The following RASGRP1 variants were observed in gnomAD, a reference collection of about 807,000 sequenced individuals.
RASGRP1 encodes RAS guanyl releasing protein 1.
RASGRP1 carries 37 observed loss-of-function variants against 95.1 expected under a neutral mutation model. That is an observed-to-expected ratio of 0.39 (90% CI 0.30 to 0.51). The LOEUF (loss-of-function observed/expected upper bound fraction) is 0.51. Among genes scored for constraint, RASGRP1 ranks in the 20% least tolerant of loss-of-function variants. The pLI is 0.80. For synonymous variants in RASGRP1, 325 were observed against 353.4 expected (o/e 0.92, Z 0.90); for missense variants, 711 against 965.4 (o/e 0.74, Z 3.49).
chr15:38,508,348 A>G (rs62003601), intron 8 of RASGRP1, among the ~76,000 whole-genome samples: 1,708 of 152,336 alleles, frequency 0.011, 20 homozygotes, highest in Non-Finnish European at 0.019. Context: ...AGTGAACACT[A>G]TCCCTCTAAC....
intron 1 of RASGRP1, among the ~76,000 whole-genome samples, chr15:38,564,214 G>C (rs1253059576): frequency 5.9e-5 from 9 of 152,330 alleles, no homozygotes; most frequent in Non-Finnish European, 8.8e-5. Flanking sequence ...CCGGAGCCCA[G>C]CGCCCCAGCA....
At chr15:38,542,601 C>G (rs1273562736) in intron 2 of RASGRP1, among the ~76,000 whole-genome samples, 1 of 150,804 alleles carries the variant, frequency 6.6e-6, no homozygotes, top group Non-Finnish European at 1.5e-5. Flanking sequence ...AAGTCTTTCG[C>G]CTGTTCTCAG....
intron 15 of RASGRP1, among the ~76,000 whole-genome samples, chr15:38,496,790 A>C (rs1033417570): frequency 6.6e-6 from 1 of 152,182 alleles, no homozygotes; most frequent in African/African-American, 2.4e-5. Context: ...GATGTGATAA[A>C]AAGGAATGTG....
In RASGRP1 at chr15:38,527,678, G is replaced by A. The variant is rs184751492; in HGVS notation, c.221-1274C>T. Among the ~76,000 whole-genome samples, 247 of 130,788 alleles carry A rather than the reference G, an allele frequency of 1.9e-3. 1 individual carries two copies. Among genetic ancestry groups the A allele is most frequent in the African/African-American group, 5.2e-3 (186 of 35,496 alleles). 85.8% of individuals were successfully genotyped at this position (130,788 alleles called of 152,430 possible). ...ATCTGTATTGCTCTTTATATTAAAG[G>A]GGTTATCATGTTCACTCTGCTTCAA... On this transcript the variant is annotated intron_variant, in intron 2 of 16. Transcript: ENST00000310803.
chr15:38,511,824 T>G, intron 7 of RASGRP1, 104 bp from the exon 8 acceptor site: 1 of 755,676 alleles, frequency 1.3e-6, no homozygotes, highest in Non-Finnish European at 2.2e-6. Flanking sequence ...TCCCTTACGC[T>G]GGTTAAAGAC....
At chr15:38,553,042 A>C (rs1566937645) in intron 2 of RASGRP1, among the ~76,000 whole-genome samples, 1 of 152,196 alleles carries the variant, frequency 6.6e-6, no homozygotes, top group African/African-American at 2.4e-5. Flanking sequence ...ATTATTAAAA[A>C]TTTCAAGACT....
At chr15:38,560,181 T>A in intron 1 of RASGRP1, 176 bp from the exon 2 acceptor site, 1 of 633,866 alleles carries the variant, frequency 1.6e-6, no homozygotes, top group Non-Finnish European at 2.8e-6. Flanking sequence ...TAAAGAGACA[T>A]CTCCCCAGCA....
chr15:38,552,547 C>T (rs1270558056), intron 2 of RASGRP1, among the ~76,000 whole-genome samples: 2 of 152,092 alleles, frequency 1.3e-5, no homozygotes, highest in African/African-American at 4.8e-5. Flanking sequence ...TCACTGAACA[C>T]GGAGCTGGGA....
At chr15:38,524,632 C>A (rs12442869) in intron 3 of RASGRP1, among the ~76,000 whole-genome samples, 27,737 of 152,142 alleles carry the variant, frequency 0.18, 2,750 homozygotes, top group Non-Finnish European at 0.22. Flanking sequence ...GGGCCAACTT[C>A]ACACAGTTAC....
Position 38,498,941 on chromosome 15 carries a change from C to T in RASGRP1, c.1726G>A (p.Gly576Arg), listed in dbSNP as rs776826375. ...IKQGYRCKDC[G>R]MNCHKQCKDL... ...TTGCATTGTTTGTGACAGTTCATCC[C>T]GCAGTCTGTGGACAAGACATCCTGG... is the stretch of plus-strand genomic sequence containing the variant. The change falls in exon 15 of 17, where the codon GGG (glycine) becomes AGG (arginine). Residue 576 changes from glycine (G) to arginine (R), a missense_variant. This residue lies in a region of RASGRP1 where 8 missense variants were observed against 40.9 expected (regional missense o/e 0.20). Transcript: ENST00000310803. 1.2e-6 allele frequency: 2 copies of T among 1,613,814 alleles called. No individual in the cohort carries two copies. The highest frequency in any genetic ancestry group is 1.3e-5 in the African/African-American group (1 of 74,908).
intron 3 of RASGRP1, among the ~76,000 whole-genome samples, chr15:38,525,030 T>C (rs1410593517): frequency 4.0e-5 from 6 of 151,190 alleles, no homozygotes; most frequent in Admixed American, 2.0e-4. Flanking sequence ...TGCAGTGGTG[T>C]GATCTCAGCT....
intron 10 of RASGRP1, chr15:38,503,595 T>C (rs1219254169): frequency 1.8e-6 from 1 of 549,844 alleles, no homozygotes; most frequent in African/African-American, 1.9e-5. Flanking sequence ...TCACATACAT[T>C]ATCTGCAGCT....
Position 38,511,506 on chromosome 15 carries a change from T to C in RASGRP1, c.966+98A>G, listed in dbSNP as rs903113623. 15 of 859,076 alleles carry C rather than the reference T, an allele frequency of 1.7e-5. No individual in the cohort carries two copies. In the African/African-American group the frequency reaches 2.0e-4, roughly 11 times the overall value. The allele number at this position is 859,076 out of a possible 1,614,324, so 53.2% of individuals were successfully genotyped here. On this transcript the variant is annotated intron_variant, in intron 8 of 16. Coordinates refer to ENST00000310803, the MANE Select transcript of RASGRP1 (RefSeq NM_005739.4). ...TTAGCCTGGTTGACAAGGGATGGTG[T>C]GGTTGGAAATGCTCTCTGGGCTGCC...
chr15:38,491,754 C>T (rs1176809304), intron 16 of RASGRP1, among the ~76,000 whole-genome samples: 1 of 152,106 alleles, frequency 6.6e-6, no homozygotes, highest in Non-Finnish European at 1.5e-5. Flanking sequence ...AAAATACACA[C>T]AGTGAATTCT....
chr15:38,539,671 C>A (rs900588870), intron 2 of RASGRP1, among the ~76,000 whole-genome samples: 1 of 151,980 alleles, frequency 6.6e-6, no homozygotes, highest in Non-Finnish European at 1.5e-5. Flanking sequence ...GCCGCACCCA[C>A]TAACTCGTCA....
chr15:38,505,419 C>T (rs915663376), intron 10 of RASGRP1, among the ~76,000 whole-genome samples: 3 of 152,068 alleles, frequency 2.0e-5, no homozygotes, highest in South Asian at 2.1e-4. Context: ...CTGATTAGTA[C>T]GCATATTACT....
At chr15:38,553,020 C>T (rs1251922722) in intron 2 of RASGRP1, among the ~76,000 whole-genome samples, 1 of 152,148 alleles carries the variant, frequency 6.6e-6, no homozygotes, top group Non-Finnish European at 1.5e-5. Flanking sequence ...AATGATGGTC[C>T]CTTATTCAAA....
At chr15:38,544,473 G>C (rs1173074656) in intron 2 of RASGRP1, among the ~76,000 whole-genome samples, 2 of 152,182 alleles carry the variant, frequency 1.3e-5, no homozygotes, top group African/African-American at 4.8e-5. Flanking sequence ...GCCTTTAAGA[G>C]GTGACTGGGT....
chr15:38,491,124 T>C (rs1486229676), intron 16 of RASGRP1, among the ~76,000 whole-genome samples: 1 of 152,214 alleles, frequency 6.6e-6, no homozygotes, highest in East Asian at 1.9e-4. Context: ...AATTTAACTT[T>C]TTGATGATGT....
Sources: gnomAD v4.1 joint callset for allele counts (sites outside exome capture counted in the v4.1 genomes callset) on GRCh38, gnomAD v4.1.1 for gene constraint, gnomAD v4.1.1 regional missense constraint, MANE v1.5 for transcripts, NCBI Gene and HGNC (gene_info 2026-07-23, HGNC 2026-07-21) for gene names.